WNK1: variants seen among roughly 807,000 people sequenced by gnomAD.
WNK1 encodes WNK lysine deficient protein kinase 1.
WNK1 carries 38 observed loss-of-function variants against 222.8 expected under a neutral mutation model. The observed-to-expected ratio is 0.17, with a 90% CI of 0.13 to 0.22. The LOEUF (loss-of-function observed/expected upper bound fraction) is 0.22. WNK1 is among the 10% of genes least tolerant of loss of function. The pLI, the probability that WNK1 is intolerant of heterozygous loss-of-function variation, is 1.00. For missense variants in WNK1, 2,348 were observed against 2,918.4 expected, an observed-to-expected ratio of 0.80 and a Z score of 4.50; for synonymous variants, 1,090 against 1,092.9, an observed-to-expected ratio of 1.00 and a Z score of 0.05.
intron 1 of WNK1, among the ~76,000 whole-genome samples, chr12:757,989 C>A (rs1034538050): frequency 2.1e-5 from 3 of 139,838 alleles, no homozygotes; most frequent in African/African-American, 7.7e-5. Context: ...GAGTCGAGAT[C>A]GCACCACTGC....
chr12:902,723 G>A (rs1338229258), intron 26 of WNK1, among the ~76,000 whole-genome samples: 1 of 152,164 alleles, frequency 6.6e-6, no homozygotes, highest in Non-Finnish European at 1.5e-5. Flanking sequence ...TAGGGCCATC[G>A]TACAAATCAA....
Position 900,301 on chromosome 12 carries a change from T to A in WNK1, c.6449-175T>A, listed in dbSNP as rs1409610980. Among the ~76,000 whole-genome samples the A allele has an allele frequency of 2.6e-5, 4 of 152,304 alleles. No homozygotes were observed. The East Asian group carries it at 7.7e-4, about 29-fold the overall frequency. ...CAACACCCAGCCTATCTATTGAGTC[T>A]TAGTGTCATTCCTCACTTCTCCCGT... On this transcript the variant is annotated intron_variant, in intron 25 of 27. Coordinates refer to ENST00000315939, the MANE Select transcript of WNK1 (RefSeq NM_018979.4).
chr12:866,985 T>C (rs1042220709), intron 8 of WNK1, among the ~76,000 whole-genome samples: 1 of 151,906 alleles, frequency 6.6e-6, no homozygotes, highest in Non-Finnish European at 1.5e-5. Flanking sequence ...TAGCTGGGCG[T>C]GGTGGCGCAC....
At position 908,041 on chromosome 12, in the gene WNK1, C is replaced by T. The variant is rs1462074950; in HGVS notation, c.6831+7C>T. The T allele has an allele frequency of 1.2e-6, 2 of 1,613,876 alleles. No homozygotes were observed. Among genetic ancestry groups the T allele is most frequent in the Non-Finnish European group, 1.7e-6 (2 of 1,179,970 alleles). On this transcript the variant is annotated splice_region_variant and intron_variant, in intron 27 of 27. Coordinates refer to ENST00000315939, the MANE Select transcript of WNK1 (RefSeq NM_018979.4). ...AGGGCACATGAATTACGAGGTAAGT[C>T]TCTCTTTTGCCGCAGAGAATCCGTA...
In WNK1 at chr12:862,249, G is replaced by A. The variant is rs754190815; in HGVS notation, c.2118G>A (p.Gly706=). 13 of 1,613,780 alleles carry A rather than the reference G, an allele frequency of 8.1e-6. No homozygotes were observed. The African/African-American group carries it at 1.5e-4, about 18-fold the overall frequency. Residue 706 remains glycine, a synonymous_variant, in exon 8 of 28, where the codon GGG becomes GGA. Coordinates refer to ENST00000315939, the MANE Select transcript of WNK1 (RefSeq NM_018979.4). ...STVQAQSQPH[G]VYPPSSVAQG... is the part of the protein sequence containing the mutation. ...TCCAAGCACAGTCTCAGCCCCATGG[G>A]GTATATCCACCCTCAAGTGTGGTAA...
At chr12:852,803 G>A (rs1950510735) in intron 4 of WNK1, among the ~76,000 whole-genome samples, 1 of 152,102 alleles carries the variant, frequency 6.6e-6, no homozygotes, top group South Asian at 2.1e-4. Context: ...CTGTAACTTT[G>A]TATTTATTTT....
intron 1 of WNK1, among the ~76,000 whole-genome samples, chr12:788,712 C>T (rs979722895): frequency 1.3e-5 from 2 of 152,106 alleles, no homozygotes; most frequent in African/African-American, 4.8e-5. Context: ...AATGGTGAAA[C>T]CCCGTCTCTA....
chr12:862,894 G>A (rs535019027), intron 8 of WNK1, among the ~76,000 whole-genome samples: 1 of 152,166 alleles, frequency 6.6e-6, no homozygotes, highest in South Asian at 2.1e-4. Context: ...TTTATTTTCA[G>A]AATCAACTTA....
In WNK1 at chr12:884,272, T is replaced by A. The variant is rs759153244; in HGVS notation, c.3844+29T>A. ...AGGGATTGATTCTGCCACATTGTTA[T>A]GTAAATTCTACAGTGCCTCTGCTAT... On this transcript the variant is annotated intron_variant, in intron 18 of 27. Coordinates refer to ENST00000315939, the MANE Select transcript of WNK1 (RefSeq NM_018979.4). This position sits in a 1 kb window ranked among gnomAD's most constrained non-coding sequence, Gnocchi z 5.6. The A allele has an allele frequency of 1.2e-6, 2 of 1,613,746 alleles. No homozygotes were observed. The highest frequency in any genetic ancestry group is 4.5e-5 in the East Asian group (2 of 44,848).
At chr12:802,736 TTTTA>T (rs1217087374) in intron 1 of WNK1, among the ~76,000 whole-genome samples, 2 of 152,238 alleles carry the variant, frequency 1.3e-5, no homozygotes, top group African/African-American at 4.8e-5. Flanking sequence ...GACTGGGGAA[TTTTA>T]TTTGTTTCTA....
chr12:782,139 C>G (rs1020795749), intron 1 of WNK1, among the ~76,000 whole-genome samples: 38 of 152,152 alleles, frequency 2.5e-4, no homozygotes, highest in Non-Finnish European at 3.4e-4. Context: ...TTGTCATCGA[C>G]TGACTTTGGA....
At chr12:906,625 A>G in intron 26 of WNK1, 1 of 985,134 alleles carries the variant, frequency 1.0e-6, no homozygotes, top group South Asian at 4.7e-5. Flanking sequence ...TTCTTTACTC[A>G]TGGGAAATTG....
chr12:815,910 G>A (rs920731266), intron 2 of WNK1, among the ~76,000 whole-genome samples: 1 of 152,186 alleles, frequency 6.6e-6, no homozygotes, highest in African/African-American at 2.4e-5. Flanking sequence ...TCCAATACGT[G>A]TCTAAGCTTT....
intron 1 of WNK1, among the ~76,000 whole-genome samples, chr12:802,265 T>C (rs1023778679): frequency 5.3e-5 from 8 of 152,218 alleles, no homozygotes; most frequent in African/African-American, 1.9e-4. Flanking sequence ...AGTACCTGTT[T>C]TATGATGTTA....
rs1054188684 is a variant in WNK1 at position 899,002 on chromosome 12, A to G, written c.6448+1321A>G. On this transcript the variant is annotated intron_variant, in intron 25 of 27. Transcript: ENST00000315939. ...TGATCCACCCACCTTGGCCTCCCAAAGTGCTGGGATTACAGGCGTGAGCCA... is the reference window on the plus strand; with the variant it reads ...TGATCCACCCACCTTGGCCTCCCAAGGTGCTGGGATTACAGGCGTGAGCCA... 7.9e-5 allele frequency among the ~76,000 whole-genome samples: 12 copies of G among 151,992 alleles called. No individual in the cohort carries two copies. The East Asian group carries it at 2.3e-3, about 29-fold the overall frequency.
rs149293343 is a variant in WNK1 at position 760,847 on chromosome 12, C to T, written c.759+6523C>T. Among the ~76,000 whole-genome samples the T allele has an allele frequency of 1.2e-3, 172 of 146,596 alleles. 21 individuals are homozygous for T. The highest frequency in any genetic ancestry group is 9.0e-3 in the South Asian group (40 of 4,450). ...GTGGCGTGATCTTGGGATCTTGGCT[C>T]ACTGAAACCTCCACCTCCTGTGTTC... On this transcript the variant is annotated intron_variant, in intron 1 of 27. Coordinates refer to ENST00000315939, the MANE Select transcript of WNK1 (RefSeq NM_018979.4).
intron 1 of WNK1, among the ~76,000 whole-genome samples, chr12:755,802 C>T (rs1369294225): frequency 2.6e-5 from 4 of 152,128 alleles, no homozygotes; most frequent in African/African-American, 9.7e-5. Context: ...TGGGGAAACC[C>T]CGACTCTACT....
intron 26 of WNK1, chr12:904,509 T>G: frequency 7.8e-7 from 1 of 1,289,116 alleles, no homozygotes; most frequent in Non-Finnish European, 1.0e-6. Flanking sequence ...TTATCTTTTC[T>G]GTTATTTTTG....
intron 3 of WNK1, among the ~76,000 whole-genome samples, chr12:829,379 G>A (rs1471365874): frequency 6.6e-6 from 1 of 152,184 alleles, no homozygotes; most frequent in Non-Finnish European, 1.5e-5. Flanking sequence ...TGGTAAGTAT[G>A]TGAAGAAAAG....
Sources: allele counts gnomAD v4.1 joint callset (sites outside exome capture counted in the v4.1 genomes callset), GRCh38; gene constraint gnomAD v4.1.1; non-coding constraint Gnocchi (gnomAD v3.1); transcripts MANE v1.5; gene names NCBI Gene and HGNC (gene_info 2026-07-23, HGNC 2026-07-21).